BRCC3: variants seen among roughly 807,000 people sequenced by gnomAD.
BRCC3 encodes the protein BRCA1/BRCA2-containing complex subunit 3.
BRCC3 carries 15 observed loss-of-function variants against 28.0 expected under a neutral mutation model. That is an observed-to-expected ratio of 0.54 (90% CI 0.36 to 0.82). BRCC3 has a LOEUF of 0.82. Among genes scored for constraint, BRCC3 ranks in the 40% least tolerant of loss-of-function variants. The pLI is 0.01. For synonymous variants in BRCC3, 66 were observed against 80.3 expected, an observed-to-expected ratio of 0.82 and a Z score of 0.95; for missense variants, 109 against 225.9, an observed-to-expected ratio of 0.48 and a Z score of 3.32.
chrX:155,104,169 C>T (rs1397844955), intron 7 of BRCC3, among the ~76,000 whole-genome samples: 7 of 111,138 alleles, frequency 6.3e-5, no homozygotes, highest in Non-Finnish European at 1.1e-4. Flanking sequence ...TCATTCTGGG[C>T]CAATTCCAAT....
intron 2 of BRCC3, among the ~76,000 whole-genome samples, chrX:155,072,813 C>G (rs1251886900): frequency 3.6e-5 from 4 of 110,685 alleles, no homozygotes; most frequent in Non-Finnish European, 5.7e-5. Flanking sequence ...CCACCTCGAC[C>G]TCCCCAAGTG....
intron 7 of BRCC3, among the ~76,000 whole-genome samples, chrX:155,105,339 C>T (rs185202187): frequency 3.3e-4 from 37 of 111,178 alleles, no homozygotes; most frequent in Admixed American, 2.8e-3. Flanking sequence ...AAAAATTAGC[C>T]AAGTGTGGTG....
intron 1 of BRCC3, 110 bp downstream of exon 1, chrX:155,071,760 T>TG: frequency 1.1e-6 from 1 of 914,939 alleles, no homozygotes; most frequent in Non-Finnish European, 1.5e-6. Flanking sequence ...ATCCTCGATT[T>TG]AGGTCCTTGG....
At chrX:155,089,054 C>A (rs1489432879) in intron 5 of BRCC3, among the ~76,000 whole-genome samples, 1 of 111,919 alleles carries the variant, frequency 8.9e-6, no homozygotes, top group Non-Finnish European at 1.9e-5. Context: ...TATTTAATGG[C>A]AGACTTTCGA....
chrX:155,111,382 G>A (rs1454367909), intron 7 of BRCC3, among the ~76,000 whole-genome samples: 5 of 111,646 alleles, frequency 4.5e-5, no homozygotes, highest in Non-Finnish European at 9.5e-5. Context: ...GAGAACTGTA[G>A]AAAAACCACA....
At chrX:155,119,953 T>G in intron 9 of BRCC3, 46 bp from the exon 10 acceptor site, 1 of 1,128,418 alleles carries the variant, frequency 8.9e-7, no homozygotes, top group Non-Finnish European at 1.2e-6. Flanking sequence ...TGCTAGTGGA[T>G]GGTGCTTTTC....
chrX:155,111,020 A>G (rs2074318335), intron 7 of BRCC3, among the ~76,000 whole-genome samples: 1 of 111,659 alleles, frequency 9.0e-6, no homozygotes, highest in Non-Finnish European at 1.9e-5. Context: ...CTCATCTTGT[A>G]TGGGAGAAGA....
intron 7 of BRCC3, among the ~76,000 whole-genome samples, chrX:155,105,370 C>G (rs1346642122): frequency 2.7e-5 from 3 of 111,599 alleles, no homozygotes; most frequent in Non-Finnish European, 5.7e-5. Flanking sequence ...GTAATCCCAG[C>G]TACTCGGGAG....
chrX:155,076,655 C>T (rs1490464702), intron 3 of BRCC3, among the ~76,000 whole-genome samples: 2 of 111,286 alleles, frequency 1.8e-5, no homozygotes, highest in African/African-American at 6.6e-5. Flanking sequence ...GGGAAATCCA[C>T]CCCTACAATC....
chrX:155,116,209 T>A, intron 8 of BRCC3, 21 bp downstream of exon 8: 1 of 1,160,686 alleles, frequency 8.6e-7, no homozygotes, highest in East Asian at 3.2e-5. Flanking sequence ...TCTTCACTCC[T>A]CTTCTCTACT....
intron 4 of BRCC3, 66 bp downstream of exon 4, chrX:155,077,355 T>C (rs376850975): frequency 6.9e-6 from 7 of 1,020,927 alleles, no homozygotes; most frequent in Non-Finnish European, 7.8e-6. Context: ...TGCTGCTTGC[T>C]GCAGTCATCC....
At chrX:155,105,065 A>G (rs963390042) in intron 7 of BRCC3, among the ~76,000 whole-genome samples, 1 of 112,209 alleles carries the variant, frequency 8.9e-6, no homozygotes, top group Admixed American at 9.4e-5. Flanking sequence ...TATATGAAAC[A>G]TCAACATGGT....
rs1467433727 is a variant in BRCC3, at chrX:155,116,207, C to T, written c.680+19C>T. On this transcript the variant is annotated intron_variant, in intron 8 of 10. Coordinates refer to ENST00000330045, the MANE Select transcript of BRCC3 (RefSeq NM_001018055.3). ...TCCACAGGTAGAGACCCTCTTCACTCCTCTTCTCTACTTCTCAGGACCTAG... is the reference window on the plus strand; with the variant it reads ...TCCACAGGTAGAGACCCTCTTCACTTCTCTTCTCTACTTCTCAGGACCTAG... 4.3e-6 allele frequency: 5 copies of T among 1,161,769 alleles called. No individual in the cohort carries two copies. The African/African-American group carries it at 7.2e-5, about 17-fold the overall frequency.
At chrX:155,074,720 G>A (rs782439286) in intron 3 of BRCC3, among the ~76,000 whole-genome samples, 1 of 112,177 alleles carries the variant, frequency 8.9e-6, no homozygotes, top group Admixed American at 9.4e-5. Context: ...ATGTCAGTTT[G>A]TACTGTCTAA....
At chrX:155,073,891 C>G (rs2074008270) in intron 3 of BRCC3, among the ~76,000 whole-genome samples, 1 of 111,780 alleles carries the variant, frequency 8.9e-6, no homozygotes, top group Non-Finnish European at 1.9e-5. Flanking sequence ...CATGCTCTAG[C>G]CTTGATGGTC....
At chrX:155,078,070 G>A (rs1284866773) in intron 4 of BRCC3, among the ~76,000 whole-genome samples, 1 of 112,413 alleles carries the variant, frequency 8.9e-6, no homozygotes, top group Non-Finnish European at 1.9e-5. Flanking sequence ...AACACCGTGT[G>A]TGGATTATTG....
chrX:155,081,392 G>A (rs1179377256), intron 5 of BRCC3, among the ~76,000 whole-genome samples: 2 of 107,101 alleles, frequency 1.9e-5, no homozygotes, highest in African/African-American at 6.8e-5. Flanking sequence ...AAAAATAATT[G>A]CCCAACTGAG....
At chrX:155,104,591 C>G (rs2074266488) in intron 7 of BRCC3, among the ~76,000 whole-genome samples, 1 of 112,385 alleles carries the variant, frequency 8.9e-6, no homozygotes, top group African/African-American at 3.2e-5. Context: ...GCTCTTTCCT[C>G]TACGGTACTT....
At position 155,104,661 on chromosome X, in the gene BRCC3, C is replaced by T. The variant is rs782464698; in HGVS notation, c.549-11396C>T. On this transcript the variant is annotated intron_variant, in intron 7 of 10. Coordinates refer to ENST00000330045, the MANE Select transcript of BRCC3 (RefSeq NM_001018055.3). ...GAGTCTCAGCTCCATTTTCTCAACT[C>T]GGCATCTGCCAAGCCCTACCTGGGG... Among the ~76,000 whole-genome samples the T allele has an allele frequency of 3.5e-5, 4 of 112,812 alleles. No individual in the cohort carries two copies. The East Asian group carries it at 8.3e-4, about 23-fold the overall frequency.
Sources: gnomAD v4.1 joint callset for allele counts (sites outside exome capture counted in the v4.1 genomes callset) on GRCh38, gnomAD v4.1.1 for gene constraint, MANE v1.5 for transcripts, NCBI Gene and HGNC (gene_info 2026-07-23, HGNC 2026-07-21) for gene names.